Variants in ZNF318 observed in about 807,000 individuals in gnomAD.
ZNF318 encodes the protein zinc finger protein 318, also known as endocrine regulator.
In ZNF318, 51 loss-of-function variants were observed where a neutral mutation model predicts 124.2. The observed-to-expected ratio is 0.41, with a 90% confidence interval of 0.33 to 0.52. The LOEUF (loss-of-function observed/expected upper bound fraction) is 0.52. Ranked by LOEUF, ZNF318 falls within the 20% of genes least tolerant of loss-of-function variation. ZNF318 has a pLI of 0.23. For missense variants in ZNF318, 2,815 were observed against 2,811.2 expected, an observed-to-expected ratio of 1.00 and a Z score of -0.03; for synonymous variants, 1,090 against 1,040.7, an observed-to-expected ratio of 1.05 and a Z score of -0.91.
chr6:43,346,682 G>A (rs1409065084), intron 6 of ZNF318, among the ~76,000 whole-genome samples: 2 of 152,186 alleles, frequency 1.3e-5, no homozygotes, highest in African/African-American at 4.8e-5. Context: ...ATTCTTCATG[G>A]AAGAGGTGGT....
At chr6:43,366,058 C>A (rs1464537948) in intron 1 of ZNF318, among the ~76,000 whole-genome samples, 2 of 152,042 alleles carry the variant, frequency 1.3e-5, no homozygotes, top group East Asian at 1.9e-4. Flanking sequence ...AAAAAAAATT[C>A]TTCTGGTAAG....
chr6:43,341,449 G>A (rs544362660), intron 8 of ZNF318, among the ~76,000 whole-genome samples: 4 of 152,126 alleles, frequency 2.6e-5, no homozygotes, highest in Admixed American at 6.5e-5. Context: ...TCAGGAGATC[G>A]AGACCATCCT....
Position 43,369,448 on chromosome 6 carries a change from AGCCGCCGCCACCTCGGCCGCTGCGC to A in ZNF318, c.-108_-84del. ...GCTCGGAGCGCGCCGCCGCAGCTGCAGCCGCCGCCACCTCGGCCGCTGCGCGCCGCCTCAGCCGCGGGAGCAGCCC... is the reference window on the plus strand; with the variant it reads ...GCTCGGAGCGCGCCGCCGCAGCTGCAGCCGCCTCAGCCGCGGGAGCAGCCC... On this transcript the variant is annotated 5_prime_UTR_variant, in exon 1 of 10. Coordinates refer to ENST00000361428, the MANE Select transcript of ZNF318 (RefSeq NM_014345.3). The A allele has an allele frequency of 1.9e-6, 2 of 1,079,578 alleles. No homozygotes were observed. The highest frequency in any genetic ancestry group is 2.3e-6 in the Non-Finnish European group (2 of 876,900). 66.9% of individuals were successfully genotyped at this position (1,079,578 alleles called of 1,614,324 possible).
chr6:43,354,976 G>C lies in ZNF318; in HGVS notation c.2358C>G (p.Ala786=). The C allele has an allele frequency of 1.2e-6, 2 of 1,610,188 alleles. No homozygotes were observed. Among genetic ancestry groups the C allele is most frequent in the Non-Finnish European group, 1.7e-6 (2 of 1,177,774 alleles). The change falls in exon 4 of 10, where the codon GCC becomes GCG. Residue 786 remains alanine, a synonymous_variant. Coordinates refer to ENST00000361428, the MANE Select transcript of ZNF318 (RefSeq NM_014345.3). ...TGTAGTGCCTATAGGCATCAAAAGA[G>C]GCAGGGGGAATGGCAGGTCCCTGGT... ...PNYQGPAIPP[A]SFDAYRHYMA... is the part of the protein sequence containing the mutation.
At chr6:43,365,177 G>T in intron 2 of ZNF318, 115 bp downstream of exon 2, 1 of 1,144,220 alleles carries the variant, frequency 8.7e-7, no homozygotes, top group Admixed American at 2.4e-5. Context: ...TGGACATGTG[G>T]CATAGGAAAT....
rs576913370 is a variant in ZNF318 at position 43,368,848 on chromosome 6, T to G, written c.399+119A>C. On this transcript the variant is annotated intron_variant, in intron 1 of 9. Coordinates refer to ENST00000361428, the MANE Select transcript of ZNF318 (RefSeq NM_014345.3). ...TCCAGGCTCGGCATCCCCGAGGGAG[T>G]TGGCCGGAGGCTTCGCGCTTAGGAC... 182 of 1,235,302 alleles carry G rather than the reference T, an allele frequency of 1.5e-4. No individual in the cohort carries two copies. The African/African-American group carries it at 2.5e-3, about 17-fold the overall frequency. 76.5% of individuals were successfully genotyped at this position (1,235,302 alleles called of 1,614,324 possible).
At position 43,356,000 on chromosome 6, in the gene ZNF318, T is replaced by C. The variant is rs749894108; in HGVS notation, c.1334A>G (p.Glu445Gly). 3 of 1,614,186 alleles carry C rather than the reference T, an allele frequency of 1.9e-6. No homozygotes were observed. The Admixed American group carries it at 5.0e-5, about 27-fold the overall frequency. ...KGTMVETALK[E>G]PQGNLYQWGP... is the part of the protein sequence containing the mutation. ...CCATTGGTAGAGGTTGCCCTGAGGTTCCTTCAAGGCAGTCTCTACCATAGT... is the reference window on the plus strand; with the variant it reads ...CCATTGGTAGAGGTTGCCCTGAGGTCCCTTCAAGGCAGTCTCTACCATAGT... The change falls in exon 4 of 10, where the codon GAA becomes GGA. Residue 445 changes from glutamate (E) to glycine (G), a missense_variant. By Grantham distance (98) the Glu-to-Gly change is moderately conservative. Coordinates refer to ENST00000361428, the MANE Select transcript of ZNF318 (RefSeq NM_014345.3).
chr6:43,337,898 T>C lies in ZNF318; in HGVS notation c.6100A>G (p.Arg2034Gly). The C allele has an allele frequency of 6.2e-7, 1 of 1,614,234 alleles. No individual in the cohort carries two copies. The highest frequency in any genetic ancestry group is 8.5e-7 in the Non-Finnish European group (1 of 1,180,040). ...TTCTGACACAAGACAGTTGGGGATC[T>C]ATGTGCTGGGCTTACCCGAGTAGTG... The part of the protein sequence containing the change: ...FCTTRVSPAH[R>G]SPTVLCQKVC... Residue 2034 changes from arginine (R) to glycine (G), a missense_variant, in exon 10 of 10, where the codon AGA (arginine) becomes GGA (glycine). Around this residue, in one of 4 missense-constraint regions of ZNF318, gnomAD observed 927 missense variants for 820.6 expected, o/e 1.13. Coordinates refer to ENST00000361428, the MANE Select transcript of ZNF318 (RefSeq NM_014345.3).
At position 43,355,124 on chromosome 6, in the gene ZNF318, G is replaced by C; in HGVS notation, c.2210C>G (p.Ala737Gly). 1.2e-6 allele frequency: 2 copies of C among 1,614,214 alleles called. No individual in the cohort carries two copies. The highest frequency in any genetic ancestry group is 1.7e-6 in the Non-Finnish European group (2 of 1,180,046). The change falls in exon 4 of 10, where the codon GCA becomes GGA. Residue 737 changes from alanine (A) to glycine (G), a missense_variant. Ala to Gly is a moderately conservative substitution (Grantham distance 60, BLOSUM62 0). Coordinates refer to ENST00000361428, the MANE Select transcript of ZNF318 (RefSeq NM_014345.3). ...GGCTGATGGCAACATGCACCTGACTGCAACAGATGACTGAAACCCACTACC... is the reference window on the plus strand; with the variant it reads ...GGCTGATGGCAACATGCACCTGACTCCAACAGATGACTGAAACCCACTACC... ...VVGSGFQSSV[A>G]VRCMLPSAPS... is the part of the protein sequence containing the mutation.
chr6:43,369,372 T>C lies in ZNF318; in HGVS notation c.-7A>G. 3 of 1,254,478 alleles carry C rather than the reference T, an allele frequency of 2.4e-6. No homozygotes were observed. The highest frequency in any genetic ancestry group is 2.2e-5 in the South Asian group (1 of 44,530). 77.7% of individuals were successfully genotyped at this position (1,254,478 alleles called of 1,614,324 possible). A position where few individuals can be genotyped will look rare whatever the true frequency, so the allele number is the denominator to read the frequency against. ...GAGCGCTGCTGCGGTACATGGTTCT[T>C]GCAGCGGCGGCCACGGCGACAGCTC... is the stretch of plus-strand genomic sequence containing the variant. On this transcript the variant is annotated 5_prime_UTR_variant, in exon 1 of 10. Coordinates refer to ENST00000361428, the MANE Select transcript of ZNF318 (RefSeq NM_014345.3).
intron 2 of ZNF318, among the ~76,000 whole-genome samples, chr6:43,360,155 T>C (rs1246538891): frequency 1.3e-5 from 2 of 152,186 alleles, no homozygotes; most frequent in Non-Finnish European, 2.9e-5. Context: ...TGAAACGGCA[T>C]ACTAGCCCAA....
Position 43,357,663 on chromosome 6 carries a change from C to G in ZNF318, c.651G>C (p.Leu217Phe), listed in dbSNP as rs1187014899. The part of the protein sequence containing the change: ...SQEEGPLSPF[L>F]GQLDEDYRTK... The stretch of plus-strand genomic sequence containing the variant: ...TTCGGTAGTCCTCATCAAGTTGTCC[C>G]AAGAAGGGACTGAGAGGCCCTTCCT... The change falls in exon 3 of 10, where the codon TTG (leucine) becomes TTC (phenylalanine). Residue 217 changes from leucine (L) to phenylalanine (F), a missense_variant. By Grantham distance (22) the Leu-to-Phe change is conservative (BLOSUM62 0). Around this residue, in one of 4 missense-constraint regions of ZNF318, gnomAD observed 1,377 missense variants for 1,353.5 expected, o/e 1.02. Transcript: ENST00000361428. 1 of 1,613,656 alleles carries G rather than the reference C, an allele frequency of 6.2e-7. No individual in the cohort carries two copies. The highest frequency in any genetic ancestry group is 1.3e-5 in the African/African-American group (1 of 74,840).
intron 2 of ZNF318, 68 bp from the exon 3 acceptor site, chr6:43,357,833 G>T (rs1581648959): frequency 2.1e-6 from 3 of 1,426,178 alleles, no homozygotes; most frequent in African/African-American, 1.4e-5. Flanking sequence ...AAGGCTAAGA[G>T]ACTGGTGTTT....
chr6:43,350,675 T>C (rs1029711105), intron 5 of ZNF318, among the ~76,000 whole-genome samples: 1 of 151,660 alleles, frequency 6.6e-6, no homozygotes. Flanking sequence ...AAAAAAAAAT[T>C]AGCCAGGCGT....
At chr6:43,366,144 TG>T (rs1403240783) in intron 1 of ZNF318, among the ~76,000 whole-genome samples, 2 of 152,136 alleles carry the variant, frequency 1.3e-5, no homozygotes, top group Admixed American at 1.3e-4. Context: ...TTTTCTCAGG[TG>T]ATAACCTGAG....
At position 43,369,146 on chromosome 6, in the gene ZNF318, G is replaced by A; in HGVS notation, c.220C>T (p.Arg74Trp). 1.6e-6 allele frequency: 2 copies of A among 1,223,292 alleles called. No homozygotes were observed. The highest frequency in any genetic ancestry group is 3.2e-4 in the Middle Eastern group (1 of 3,142). 75.8% of individuals were successfully genotyped at this position (1,223,292 alleles called of 1,614,324 possible). A position where few individuals can be genotyped will look rare whatever the true frequency, so the allele number is the denominator to read the frequency against. ...GGGGACGGGGAGACGCGACGACCCC[G>A]TGGCGGGGACGGCGAGGCCCGGCGG... is the stretch of plus-strand genomic sequence containing the variant. ...RGRRASPSPPRGRRVSPSPPR... is the reference protein window; with the variant it reads ...RGRRASPSPPWGRRVSPSPPR... The change falls in exon 1 of 10, where the codon CGG becomes TGG. Residue 74 changes from arginine to tryptophan, a missense_variant. By Grantham distance (101) the Arg-to-Trp change is moderately radical. This residue lies in a region of ZNF318 where 1,377 missense variants were observed against 1,353.5 expected (regional missense o/e 1.02). Transcript: ENST00000361428.
intron 2 of ZNF318, among the ~76,000 whole-genome samples, chr6:43,362,887 C>A (rs564365034): frequency 6.6e-6 from 1 of 152,268 alleles, no homozygotes; most frequent in African/African-American, 2.4e-5. Flanking sequence ...CCTGAGTATG[C>A]CAATGGTCCT....
At chr6:43,345,202 G>A (rs1290217381) in intron 6 of ZNF318, among the ~76,000 whole-genome samples, 1 of 145,894 alleles carries the variant, frequency 6.9e-6, no homozygotes, top group Non-Finnish European at 1.5e-5. Flanking sequence ...AGCCATGACT[G>A]TGTCACTGCA....
intron 2 of ZNF318, among the ~76,000 whole-genome samples, chr6:43,361,550 G>A (rs1361562322): frequency 6.6e-6 from 1 of 151,984 alleles, no homozygotes; most frequent in Non-Finnish European, 1.5e-5. Context: ...GGGCAACAGA[G>A]CAAGACATTG....
Sources: allele counts gnomAD v4.1 joint callset (sites outside exome capture counted in the v4.1 genomes callset), GRCh38; gene constraint gnomAD v4.1.1; regional missense constraint gnomAD v4.1.1; transcripts MANE v1.5; gene names NCBI Gene and HGNC (gene_info 2026-07-23, HGNC 2026-07-21).